KAT6B: variants seen among roughly 807,000 people sequenced by gnomAD.
The protein encoded by KAT6B is lysine acetyltransferase 6B.
KAT6B carries 10 observed loss-of-function variants against 187.5 expected under a neutral mutation model. The observed-to-expected ratio is 0.05, with a 90% CI of 0.03 to 0.09. The LOEUF is 0.09. Among genes scored for constraint, KAT6B ranks in the 10% least tolerant of loss-of-function variants. The pLI is 1.00. For synonymous variants in KAT6B, 861 were observed against 926.8 expected (o/e 0.93, Z 1.29); for missense variants, 1,952 against 2,558.9 (o/e 0.76, Z 5.12).
chr10:74,874,418 C>T lies in KAT6B; in HGVS notation c.621+30940C>T, dbSNP rs557143926. Among the ~76,000 whole-genome samples the T allele has an allele frequency of 2.9e-3, 443 of 152,046 alleles. 3 individuals are homozygous for T. The highest frequency in any genetic ancestry group is 0.014 in the Middle Eastern group (4 of 294). ...TTTCCGAGACAGAGTCTTGCTCTGTCGCTCAGGCTGGAGTGCAGTGGCGCA... is the reference window on the plus strand; with the variant it reads ...TTTCCGAGACAGAGTCTTGCTCTGTTGCTCAGGCTGGAGTGCAGTGGCGCA... On this transcript the variant is annotated intron_variant, in intron 3 of 17. Transcript: ENST00000287239.
At chr10:75,005,181 C>CT (rs886361132) in intron 13 of KAT6B, among the ~76,000 whole-genome samples, 1 of 151,828 alleles carries the variant, frequency 6.6e-6, no homozygotes, top group Admixed American at 6.6e-5. Context: ...TTTGCTTCCA[C>CT]TTACCCCTCT....
intron 13 of KAT6B, among the ~76,000 whole-genome samples, chr10:74,999,391 G>T (rs1486444472): frequency 6.6e-6 from 1 of 152,228 alleles, no homozygotes; most frequent in Non-Finnish European, 1.5e-5. Context: ...TGGACATGCG[G>T]TGGTAGCTGA....
chr10:74,852,009 A>G (rs761876712), intron 3 of KAT6B, among the ~76,000 whole-genome samples: 8 of 152,194 alleles, frequency 5.3e-5, no homozygotes, highest in South Asian at 2.1e-4. Flanking sequence ...ATGAAGGACT[A>G]TTCATTAGTC....
At chr10:74,927,540 T>G (rs371479904) in intron 3 of KAT6B, among the ~76,000 whole-genome samples, 35 of 151,898 alleles carry the variant, frequency 2.3e-4, no homozygotes, top group African/African-American at 8.2e-4. Flanking sequence ...TAAAATCCTT[T>G]CTGATTCAGA....
intron 3 of KAT6B, among the ~76,000 whole-genome samples, chr10:74,909,487 G>C (rs1847036556): frequency 6.6e-6 from 1 of 152,210 alleles, no homozygotes; most frequent in Non-Finnish European, 1.5e-5. Flanking sequence ...GGGCTGGATA[G>C]CAGGCAGAAC....
At chr10:75,019,982 G>A (rs997088324) in intron 13 of KAT6B, among the ~76,000 whole-genome samples, 1 of 152,194 alleles carries the variant, frequency 6.6e-6, no homozygotes, top group Non-Finnish European at 1.5e-5. Flanking sequence ...TGAAAATGGA[G>A]CTAGTGGAGC....
rs1326818232 is a variant in KAT6B, at chr10:75,029,854, C to T, written c.5030C>T (p.Thr1677Ile). The change falls in exon 18 of 18, where the codon ACT becomes ATT. Residue 1677 changes from threonine (T) to isoleucine (I), a missense_variant. Thr to Ile is a moderately conservative substitution (Grantham distance 89). Transcript: ENST00000287239. The surrounding 1 kb of genome is among the most constrained non-coding windows in gnomAD (Gnocchi z 6.2). ...FSDLGSIEST[T>I]ENYENPSSYD... is the part of the protein sequence containing the mutation. ...GACCTGGGCAGTATCGAGAGCACAA[C>T]TGAGAACTACGAAAACCCAAGCAGC... 1.2e-6 allele frequency: 2 copies of T among 1,614,062 alleles called. No homozygotes were observed. Among genetic ancestry groups the T allele is most frequent in the Non-Finnish European group, 1.7e-6 (2 of 1,180,044 alleles).
At chr10:74,852,179 G>C (rs1448823166) in intron 3 of KAT6B, among the ~76,000 whole-genome samples, 1 of 152,094 alleles carries the variant, frequency 6.6e-6, no homozygotes, top group African/African-American at 2.4e-5. Context: ...GACCTTCTTA[G>C]TTTTCCTTTG....
rs1241761020 is a variant in KAT6B at position 75,031,492 on chromosome 10, C to A, written c.*446C>A. The A allele has an allele frequency of 3.2e-6, 1 of 307,800 alleles. No individual in the cohort carries two copies. Among genetic ancestry groups the A allele is most frequent in the Non-Finnish European group, 6.1e-6 (1 of 164,662 alleles). The allele number at this position is 307,800 out of a possible 1,614,324, so 19.1% of individuals were successfully genotyped here. On this transcript the variant is annotated 3_prime_UTR_variant, in exon 18 of 18. Transcript: ENST00000287239. ...GTATATTTTGTTTAAGGTGACACTT[C>A]AGCATGCCGCTAATGTCTTTGTTAG... is the stretch of plus-strand genomic sequence containing the variant.
At chr10:74,832,439 A>G (rs1223457650) in intron 1 of KAT6B, among the ~76,000 whole-genome samples, 1 of 152,142 alleles carries the variant, frequency 6.6e-6, no homozygotes, top group Non-Finnish European at 1.5e-5. Flanking sequence ...TGCCTGGGCA[A>G]CATAGGGAGA....
chr10:74,834,800 A>C (rs1841160798), intron 1 of KAT6B, among the ~76,000 whole-genome samples: 1 of 152,084 alleles, frequency 6.6e-6, no homozygotes, highest in Non-Finnish European at 1.5e-5. Flanking sequence ...GATTAGAGGC[A>C]TGAGCCATTG....
intron 3 of KAT6B, among the ~76,000 whole-genome samples, chr10:74,941,194 T>G (rs1849644702): frequency 6.6e-6 from 1 of 152,224 alleles, no homozygotes; most frequent in Admixed American, 6.5e-5. Context: ...CCAGGAGTGA[T>G]GTGCATGTGG....
rs575449834 is a variant in KAT6B at position 74,958,163 on chromosome 10, A to G, written c.622-1807A>G. Among the ~76,000 whole-genome samples, 7 of 152,232 alleles carry G rather than the reference A, an allele frequency of 4.6e-5. No homozygotes were observed. In the East Asian group the frequency reaches 1.3e-3, roughly 29 times the overall value. On this transcript the variant is annotated intron_variant, in intron 3 of 17. Coordinates refer to ENST00000287239, the MANE Select transcript of KAT6B (RefSeq NM_012330.4). ...TTTGTTTTTGATGACATGTTGTCCC[A>G]AGGAACTAAGGCATTTGTTGGAATC... is the stretch of plus-strand genomic sequence containing the variant.
chr10:74,873,450 A>AAAAT (rs143022282), intron 3 of KAT6B, among the ~76,000 whole-genome samples: 364 of 149,564 alleles, frequency 2.4e-3, no homozygotes, highest in East Asian at 5.1e-3. Context: ...GAGCAGCAGC[A>AAAAT]AAATAAATAA....
Position 75,029,530 on chromosome 10 carries a change from G to T in KAT6B, c.4706G>T (p.Cys1569Phe). The T allele has an allele frequency of 6.2e-7, 1 of 1,614,156 alleles. No individual in the cohort carries two copies. The highest frequency in any genetic ancestry group is 8.5e-7 in the Non-Finnish European group (1 of 1,180,032). ...GATTGTGCCGAGACTCAAGAGGCCT[G>T]TAGAAGCCTACAGAACTACACCCGT... Reference protein sequence around the residue: ...FQDCAETQEACRSLQNYTRAD... With the variant: ...FQDCAETQEAFRSLQNYTRAD... The change falls in exon 18 of 18, where the codon TGT (cysteine) becomes TTT (phenylalanine). Residue 1569 changes from cysteine to phenylalanine, a missense_variant. This residue lies in a region of KAT6B where 758 missense variants were observed against 891.4 expected (regional missense o/e 0.85). Transcript: ENST00000287239. The surrounding 1 kb of genome is among the most constrained non-coding windows in gnomAD (Gnocchi z 6.2).
intron 3 of KAT6B, among the ~76,000 whole-genome samples, chr10:74,938,356 C>G (rs1849411044): frequency 6.6e-6 from 1 of 152,062 alleles, no homozygotes; most frequent in Non-Finnish European, 1.5e-5. Context: ...CCCAGCTATC[C>G]CCCAAATCAT....
At position 74,985,248 on chromosome 10, in the gene KAT6B, CAA is replaced by C. The variant is rs1842738626; in HGVS notation, c.2535+8_2535+9del. On this transcript the variant is annotated splice_region_variant and intron_variant, in intron 12 of 17. Transcript: ENST00000287239. ...GGTTGGATACTTCTCTAAGGTAAAA[CAA>C]GAGCCAGCATGACCTTCATTTTCTT... is the stretch of plus-strand genomic sequence containing the variant. 3 of 1,613,626 alleles carry C rather than the reference CAA, an allele frequency of 1.9e-6. No individual in the cohort carries two copies. Among genetic ancestry groups the C allele is most frequent in the African/African-American group, 1.3e-5 (1 of 74,916 alleles).
intron 4 of KAT6B, among the ~76,000 whole-genome samples, chr10:74,961,584 A>T (rs1478047589): frequency 6.6e-6 from 1 of 152,194 alleles, no homozygotes; most frequent in Non-Finnish European, 1.5e-5. Context: ...TATCTTCTAG[A>T]TCATAACTTC....
intron 3 of KAT6B, among the ~76,000 whole-genome samples, chr10:74,847,510 C>T (rs926671532): frequency 2.6e-5 from 4 of 151,726 alleles, no homozygotes; most frequent in African/African-American, 9.7e-5. Flanking sequence ...TAAAAAAATA[C>T]AAAAGTAGCC....
Sources: gnomAD v4.1 joint callset for allele counts (sites outside exome capture counted in the v4.1 genomes callset) on GRCh38, gnomAD v4.1.1 for gene constraint, gnomAD v4.1.1 regional missense constraint, Gnocchi (gnomAD v3.1) non-coding constraint, MANE v1.5 for transcripts, NCBI Gene and HGNC (gene_info 2026-07-23, HGNC 2026-07-21) for gene names.